The following SLC44A5 variants were observed in gnomAD, a reference collection of about 807,000 sequenced individuals.
SLC44A5 encodes choline transporter-like protein 5.
SLC44A5 carries 57 observed loss-of-function variants against 101.8 expected under a neutral mutation model. The observed-to-expected ratio is 0.56, with a 90% CI of 0.45 to 0.70. SLC44A5 has a LOEUF of 0.70. SLC44A5 is among the 30% of genes least tolerant of loss of function. The pLI is 0.00. For missense variants in SLC44A5, 737 were observed against 853.1 expected (o/e 0.86, Z 1.70); for synonymous variants, 281 against 290.9 (o/e 0.97, Z 0.35).
intron 2 of SLC44A5, among the ~76,000 whole-genome samples, chr1:75,432,980 T>C (rs1664697817): frequency 6.6e-6 from 1 of 152,066 alleles, no homozygotes; most frequent in Non-Finnish European, 1.5e-5. Flanking sequence ...TTGGAGTTTA[T>C]CCCTTCCTAC....
chr1:75,439,444 A>G (rs1312286615), intron 2 of SLC44A5, among the ~76,000 whole-genome samples: 1 of 152,160 alleles, frequency 6.6e-6, no homozygotes, highest in African/African-American at 2.4e-5. Flanking sequence ...GGATCTAGGC[A>G]AAATGGTGCA....
chr1:75,531,016 C>T (rs1177337402), intron 2 of SLC44A5, among the ~76,000 whole-genome samples: 1 of 152,128 alleles, frequency 6.6e-6, no homozygotes, highest in Non-Finnish European at 1.5e-5. Context: ...CCTGACAAGT[C>T]TAGAACTCTA....
intron 2 of SLC44A5, among the ~76,000 whole-genome samples, chr1:75,460,131 G>A (rs2101690282): frequency 6.6e-6 from 1 of 152,236 alleles, no homozygotes; most frequent in South Asian, 2.1e-4. Context: ...TACATTCTCT[G>A]CACTGTTCTC....
chr1:75,461,086 T>C (rs1254149560), intron 2 of SLC44A5, among the ~76,000 whole-genome samples: 2 of 152,012 alleles, frequency 1.3e-5, no homozygotes, highest in Admixed American at 6.6e-5. Flanking sequence ...TAAAGGCTGG[T>C]ATATTGATTA....
At chr1:75,317,321 G>A (rs1454289587) in intron 4 of SLC44A5, among the ~76,000 whole-genome samples, 3 of 152,200 alleles carry the variant, frequency 2.0e-5, no homozygotes, top group Admixed American at 6.5e-5. Context: ...GCCTCAGCCA[G>A]TTTCCCCACA....
chr1:75,524,025 C>T (rs1380504068), intron 2 of SLC44A5, among the ~76,000 whole-genome samples: 1 of 152,190 alleles, frequency 6.6e-6, no homozygotes, highest in Non-Finnish European at 1.5e-5. Flanking sequence ...ATACAAGTGA[C>T]ATGGTTTGGC....
At chr1:75,220,765 A>G (rs953338301) in intron 14 of SLC44A5, among the ~76,000 whole-genome samples, 2 of 152,126 alleles carry the variant, frequency 1.3e-5, no homozygotes, top group African/African-American at 2.4e-5. Flanking sequence ...ATAAGATGAA[A>G]ATCTTATCAC....
chr1:75,354,841 A>C (rs1658951442), intron 3 of SLC44A5, among the ~76,000 whole-genome samples: 1 of 152,156 alleles, frequency 6.6e-6, no homozygotes, highest in Admixed American at 6.5e-5. Context: ...AGGTAGCCCT[A>C]TGTTCTCAAG....
intron 3 of SLC44A5, among the ~76,000 whole-genome samples, chr1:75,393,113 C>A (rs1282583683): frequency 1.3e-5 from 2 of 152,186 alleles, no homozygotes; most frequent in African/African-American, 4.8e-5. Context: ...TCACGTCATG[C>A]AATATACTCT....
At chr1:75,512,262 G>A (rs1669606229) in intron 2 of SLC44A5, among the ~76,000 whole-genome samples, 1 of 152,108 alleles carries the variant, frequency 6.6e-6, no homozygotes, top group South Asian at 2.1e-4. Flanking sequence ...GTTCAATAAA[G>A]AGTACTAAAA....
chr1:75,711,993 T>C, the SLC44A5 span, among the ~76,000 whole-genome samples: 25 of 152,356 alleles, frequency 1.6e-4, no homozygotes, highest in South Asian at 5.0e-3. Context: ...TTATGCTCTA[T>C]TCTTTGGCTC....
At chr1:75,575,985 ACAG>A (rs1673337596) in intron 1 of SLC44A5, among the ~76,000 whole-genome samples, 2 of 152,110 alleles carry the variant, frequency 1.3e-5, no homozygotes, top group Admixed American at 1.3e-4. Context: ...ATAAATACAA[ACAG>A]CACCAGAAAT....
the SLC44A5 span, among the ~76,000 whole-genome samples, chr1:75,644,849 A>G: frequency 8.0e-6 from 1 of 125,062 alleles, no homozygotes; most frequent in East Asian, 2.4e-4. Flanking sequence ...TCCAAGTGTT[A>G]TTGTTCAATT....
At chr1:75,691,976 T>C in the SLC44A5 span, among the ~76,000 whole-genome samples, 6 of 152,090 alleles carry the variant, frequency 3.9e-5, no homozygotes, top group Non-Finnish European at 8.8e-5. Context: ...CATCAGTACA[T>C]AGCATGCTTC....
At chr1:75,623,649 T>C in the SLC44A5 span, among the ~76,000 whole-genome samples, 12 of 152,206 alleles carry the variant, frequency 7.9e-5, no homozygotes, top group Non-Finnish European at 1.6e-4. Context: ...CTGAATGAGA[T>C]GAACTGAAGG....
At chr1:75,275,167 A>C in intron 5 of SLC44A5, 125 bp from the exon 6 acceptor site, 1 of 625,550 alleles carries the variant, frequency 1.6e-6, no homozygotes, top group Non-Finnish European at 2.8e-6. Flanking sequence ...AAGATTATTG[A>C]TTTTCTTCAA....
chr1:75,229,669 T>A (rs1647382249), intron 12 of SLC44A5, among the ~76,000 whole-genome samples: 1 of 152,232 alleles, frequency 6.6e-6, no homozygotes. Context: ...CCTTTTCTTT[T>A]TTCCATAGCA....
chr1:75,567,365 A>T (rs1672843518), intron 1 of SLC44A5, among the ~76,000 whole-genome samples: 1 of 152,218 alleles, frequency 6.6e-6, no homozygotes, highest in Admixed American at 6.5e-5. Context: ...ACTGTCTGAC[A>T]GTAGCCAAAC....
At chr1:75,663,549 T>A in the SLC44A5 span, among the ~76,000 whole-genome samples, 138,023 of 152,192 alleles carry the variant, frequency 0.91, 62,785 homozygotes, top group Middle Eastern at 0.94. Flanking sequence ...TGTGCACACA[T>A]ACTAGAAAAT....
Sources: gnomAD v4.1 joint callset for allele counts (sites outside exome capture counted in the v4.1 genomes callset) on GRCh38, gnomAD v4.1.1 for gene constraint, MANE v1.5 for transcripts, NCBI Gene and HGNC (gene_info 2026-07-23, HGNC 2026-07-21) for gene names.